Variants in MON1B observed in about 807,000 individuals in gnomAD.
MON1B encodes the protein vacuolar fusion protein MON1 homolog B.
A neutral mutation model predicts 45.1 loss-of-function variants in MON1B; 26 were observed. That is an observed-to-expected ratio of 0.58 (90% confidence interval 0.42 to 0.80). The LOEUF (loss-of-function observed/expected upper bound fraction) is 0.80. Ranked by LOEUF, MON1B falls within the 30% of genes least tolerant of loss-of-function variation. The pLI is 0.00. For synonymous variants in MON1B, 395 were observed against 320.2 expected, an observed-to-expected ratio of 1.23 and a Z score of -2.49; for missense variants, 737 against 754.5, an observed-to-expected ratio of 0.98 and a Z score of 0.27.
rs753152585 is a variant in MON1B at position 77,194,291 on chromosome 16, C to A, written c.476-44C>A. 1 of 1,537,454 alleles carries A rather than the reference C, an allele frequency of 6.5e-7. No individual in the cohort carries two copies. The highest frequency in any genetic ancestry group is 8.9e-7 in the Non-Finnish European group (1 of 1,124,044). On this transcript the variant is annotated intron_variant, in intron 3 of 5. Coordinates refer to ENST00000248248, the MANE Select transcript of MON1B (RefSeq NM_014940.4). This position sits in a 1 kb window ranked among gnomAD's most constrained non-coding sequence, Gnocchi z 8.1. The stretch of plus-strand genomic sequence containing the variant: ...GCCCCACTGTCTCCCTCTGGTCATT[C>A]CTGATCCAGCTGTACCCCCCCTTCT...
chr16:77,201,925 G>C lies in MON1B; in HGVS notation c.*3617G>C, dbSNP rs1283678930. ...TTGGGATTGAAACAAAAATGGAGGG[G>C]GGTATAGCCCTGTGTATGTTGCACA... On this transcript the variant is annotated 3_prime_UTR_variant, in exon 6 of 6. Transcript: ENST00000248248. The C allele has an allele frequency of 6.6e-6, 1 of 152,092 alleles. No individual in the cohort carries two copies. Among genetic ancestry groups the C allele is most frequent in the East Asian group, 1.9e-4 (1 of 5,192 alleles). The allele number at this position is 152,092 out of a possible 1,614,324, so 9.4% of individuals were successfully genotyped here.
In MON1B at chr16:77,198,344, A is replaced by C; in HGVS notation, c.*36A>C. 1 of 1,590,878 alleles carries C rather than the reference A, an allele frequency of 6.3e-7. No homozygotes were observed. The highest frequency in any genetic ancestry group is 8.6e-7 in the Non-Finnish European group (1 of 1,158,986). On this transcript the variant is annotated 3_prime_UTR_variant, in exon 6 of 6. Coordinates refer to ENST00000248248, the MANE Select transcript of MON1B (RefSeq NM_014940.4). The stretch of plus-strand genomic sequence containing the variant: ...TCCCAGACCAGGCAGTGCTGGGAGC[A>C]ACCACCTTTGTTTTTTACCTTCTGT...
chr16:77,192,053 C>A (rs894760545), intron 2 of MON1B, among the ~76,000 whole-genome samples: 1 of 152,068 alleles, frequency 6.6e-6, no homozygotes, highest in Non-Finnish European at 1.5e-5. Context: ...CAGTGGAGTT[C>A]GATGGGCACT....
chr16:77,191,642 C>G lies in MON1B; in HGVS notation c.148+9C>G, dbSNP rs761305050. 3.1e-6 allele frequency: 5 copies of G among 1,608,854 alleles called. No individual in the cohort carries two copies. In the Admixed American group the frequency reaches 6.8e-5, roughly 22 times the overall value. ...GGGCCTGGAGGAAACAGGTATGACT[C>G]CACTTAGTGGGGTCTTAAAAGGAAT... On this transcript the variant is annotated intron_variant, in intron 2 of 5. Coordinates refer to ENST00000248248, the MANE Select transcript of MON1B (RefSeq NM_014940.4).
In MON1B at chr16:77,195,121, C is replaced by CT; in HGVS notation, c.1263dup (p.Asp422Ter). 6.3e-7 allele frequency: 1 copy of CT among 1,598,188 alleles called. No homozygotes were observed. The highest frequency in any genetic ancestry group is 8.5e-7 in the Non-Finnish European group (1 of 1,178,854). On this transcript the variant is annotated frameshift_variant, in exon 4 of 6. Transcript: ENST00000248248. LOFTEE classifies it high-confidence loss of function. ...TTCCTGTATAAGCCGCTGGACATCCCTGACCACCACCGCCAACTGCCCCAG... is the reference window on the plus strand; with the variant it reads ...TTCCTGTATAAGCCGCTGGACATCCCTTGACCACCACCGCCAACTGCCCCAG...
intron 5 of MON1B, among the ~76,000 whole-genome samples, chr16:77,196,363 T>TTTTATA (rs1350172637): frequency 6.6e-6 from 1 of 151,828 alleles, no homozygotes; most frequent in East Asian, 1.9e-4. Flanking sequence ...TATAAAGAGT[T>TTTTATA]TTTATATTTA....
rs1175299604 is a variant in MON1B at position 77,198,675 on chromosome 16, A to C, written c.*367A>C. ...CAGCCCTGAGTGTCCAGATCTGGCC[A>C]AGGTGTCTAGGGTGGCCCACGGGGG... On this transcript the variant is annotated 3_prime_UTR_variant, in exon 6 of 6. Coordinates refer to ENST00000248248, the MANE Select transcript of MON1B (RefSeq NM_014940.4). 3.3e-6 allele frequency: 1 copy of C among 307,094 alleles called. No individual in the cohort carries two copies. Among genetic ancestry groups the C allele is most frequent in the African/African-American group, 2.1e-5 (1 of 47,054 alleles). 19.0% of individuals were successfully genotyped at this position (307,094 alleles called of 1,614,324 possible).
intron 5 of MON1B, among the ~76,000 whole-genome samples, chr16:77,196,605 G>A (rs1002820838): frequency 6.6e-5 from 10 of 151,888 alleles, no homozygotes; most frequent in Non-Finnish European, 1.3e-4. Flanking sequence ...GCAAAACCCC[G>A]TCTCTACTAA....
Position 77,194,603 on chromosome 16 carries a change from G to A in MON1B, c.744G>A (p.Val248=), listed in dbSNP as rs1468845582. ...CAGGAGCCCTGCTCCTGGGTGCCGT[G>A]CGCTGTGTGCCCCTTGCCCGCCCGC... ...QDPGALLLGA[V]RCVPLARPLR... Residue 248 remains valine (V), a synonymous_variant, in exon 4 of 6, where the codon GTG becomes GTA. Transcript: ENST00000248248. The surrounding 1 kb of genome is among the most constrained non-coding windows in gnomAD (Gnocchi z 8.1). The A allele has an allele frequency of 1.2e-6, 2 of 1,613,754 alleles. No individual in the cohort carries two copies. Among genetic ancestry groups the A allele is most frequent in the African/African-American group, 1.3e-5 (1 of 74,936 alleles).
rs71715172 is a variant in MON1B, at chr16:77,200,008, CTA to C, written c.*1702_*1703del. 45,461 of 151,274 alleles carry C rather than the reference CTA, an allele frequency of 0.3. 7,097 individuals carry two copies. The highest frequency in any genetic ancestry group is 0.42 in the Admixed American group (6,405 of 15,158). The allele number at this position is 151,274 out of a possible 1,614,324, so 9.4% of individuals were successfully genotyped here. The stretch of plus-strand genomic sequence containing the variant: ...GGGTGGAGGGGTGTCGGCCTAGACA[CTA>C]TTGGAAATTGTATTCCATCCAAAAG... On this transcript the variant is annotated 3_prime_UTR_variant, in exon 6 of 6. Coordinates refer to ENST00000248248, the MANE Select transcript of MON1B (RefSeq NM_014940.4).
At chr16:77,195,231 A>C in intron 4 of MON1B, 77 bp downstream of exon 4, 1 of 1,342,160 alleles carries the variant, frequency 7.5e-7, no homozygotes, top group Non-Finnish European at 9.9e-7. Context: ...CAGGGATGTG[A>C]CTCAGGAGAG....
Position 77,193,494 on chromosome 16 carries a change from C to T in MON1B, c.192C>T (p.Pro64=). Residue 64 remains proline (P), a synonymous_variant, in exon 3 of 6, where the codon CCC becomes CCT. Coordinates refer to ENST00000248248, the MANE Select transcript of MON1B (RefSeq NM_014940.4). This position sits in a 1 kb window ranked among gnomAD's most constrained non-coding sequence, Gnocchi z 5.0. Reference sequence around the variant, plus strand: ...AGCCACCCAGCCCATCACCACCGCCCCAGTCAGAGGCCCTGTCAAGCACCT... The same window carrying T: ...AGCCACCCAGCCCATCACCACCGCCTCAGTCAGAGGCCCTGTCAAGCACCT... ...KDQPPSPSPP[P]QSEALSSTSR... 6.3e-7 allele frequency: 1 copy of T among 1,598,708 alleles called. No homozygotes were observed. The highest frequency in any genetic ancestry group is 8.5e-7 in the Non-Finnish European group (1 of 1,170,718).
At position 77,194,194 on chromosome 16, in the gene MON1B, C is replaced by T. The variant is rs769828594; in HGVS notation, c.476-141C>T. ...CAGATTCCTCCAGCTTGTCCTTACC[C>T]CAGTCCAGGTGCCCACAGAGTGAGC... On this transcript the variant is annotated intron_variant, in intron 3 of 5. Coordinates refer to ENST00000248248, the MANE Select transcript of MON1B (RefSeq NM_014940.4). The surrounding 1 kb of genome is among the most constrained non-coding windows in gnomAD (Gnocchi z 8.1). The T allele has an allele frequency of 2.5e-6, 2 of 790,416 alleles. No individual in the cohort carries two copies. The highest frequency in any genetic ancestry group is 4.4e-6 in the Non-Finnish European group (2 of 455,676). 49.0% of individuals were successfully genotyped at this position (790,416 alleles called of 1,614,324 possible). A position where few individuals can be genotyped will look rare whatever the true frequency, so the allele number is the denominator to read the frequency against.
chr16:77,193,855 G>A lies in MON1B; in HGVS notation c.475+78G>A. The stretch of plus-strand genomic sequence containing the variant: ...GGCACGGGTAGGTCTGTCTGCCTCA[G>A]GCACTATCCAGCCAGCCAGGGTTGG... On this transcript the variant is annotated intron_variant, in intron 3 of 5. Transcript: ENST00000248248. The surrounding 1 kb of genome is among the most constrained non-coding windows in gnomAD (Gnocchi z 5.0). 1 of 1,444,934 alleles carries A rather than the reference G, an allele frequency of 6.9e-7. No individual in the cohort carries two copies. Among genetic ancestry groups the A allele is most frequent in the Non-Finnish European group, 9.3e-7 (1 of 1,070,788 alleles). 89.5% of individuals were successfully genotyped at this position (1,444,934 alleles called of 1,614,324 possible).
rs762263446 is a variant in MON1B, at chr16:77,191,512, C to T, written c.27C>T (p.Ala9=). The change falls in exon 2 of 6, where the codon GCC becomes GCT. Residue 9 remains alanine (A), a synonymous_variant. Coordinates refer to ENST00000248248, the MANE Select transcript of MON1B (RefSeq NM_014940.4). ...TGGAGGTCGGAGGAGACACTGCTGC[C>T]CCGGCCCCCGGGGGCGCGGAGGACT... is the stretch of plus-strand genomic sequence containing the variant. The part of the protein sequence containing the change: MEVGGDTA[A]PAPGGAEDLE... The T allele has an allele frequency of 2.5e-6, 4 of 1,607,554 alleles. No homozygotes were observed. The South Asian group carries it at 4.4e-5, about 18-fold the overall frequency.
Position 77,199,480 on chromosome 16 carries a change from T to G in MON1B, c.*1172T>G. On this transcript the variant is annotated 3_prime_UTR_variant, in exon 6 of 6. Coordinates refer to ENST00000248248, the MANE Select transcript of MON1B (RefSeq NM_014940.4). ...GCGGGGAAGCTGAAACCTCTGAATG[T>G]GGAGGCGCCAGAAGCTACTGAGGAG... is the stretch of plus-strand genomic sequence containing the variant. The G allele has an allele frequency of 6.4e-7, 1 of 1,551,410 alleles. No homozygotes were observed. The highest frequency in any genetic ancestry group is 8.7e-7 in the Non-Finnish European group (1 of 1,146,938).
In MON1B at chr16:77,194,426, G is replaced by A. The variant is rs2054643093; in HGVS notation, c.567G>A (p.Glu189=). The change falls in exon 4 of 6, where the codon GAG becomes GAA. Residue 189 remains glutamate, a synonymous_variant. Transcript: ENST00000248248. The surrounding 1 kb of genome is among the most constrained non-coding windows in gnomAD (Gnocchi z 8.1). Reference sequence around the variant, plus strand: ...AGTCAGCAGCCCAGCTGCGGGGGGAGCTGCTAGCTGTGCACGCACAGATCG... The same window carrying A: ...AGTCAGCAGCCCAGCTGCGGGGGGAACTGCTAGCTGTGCACGCACAGATCG... ...TSQSAAQLRG[E]LLAVHAQIVS... 10 of 1,613,994 alleles carry A rather than the reference G, an allele frequency of 6.2e-6. No individual in the cohort carries two copies. The highest frequency in any genetic ancestry group is 1.6e-4 in the Middle Eastern group (1 of 6,062).
intron 5 of MON1B, 135 bp downstream of exon 5, chr16:77,195,817 T>A: frequency 9.7e-7 from 1 of 1,033,994 alleles, no homozygotes; most frequent in Non-Finnish European, 1.4e-6. Context: ...CCTGCAACAC[T>A]GTCCCTGCCT....
Position 77,194,864 on chromosome 16 carries a change from T to C in MON1B, c.1005T>C (p.Phe335=). The change falls in exon 4 of 6, where the codon TTT becomes TTC. Residue 335 remains phenylalanine, a synonymous_variant. Transcript: ENST00000248248. This position sits in a 1 kb window ranked among gnomAD's most constrained non-coding sequence, Gnocchi z 8.1. ...TGCCCCGCTTCAACCCTGATGGTTT[T>C]TTCTACGCCTACGTGGCCCGCCTGG... The part of the protein sequence containing the change: ...VCLPRFNPDG[F]FYAYVARLDA... 6.2e-7 allele frequency: 1 copy of C among 1,611,596 alleles called. No homozygotes were observed. Among genetic ancestry groups the C allele is most frequent in the East Asian group, 2.2e-5 (1 of 44,870 alleles).
Sources: allele counts gnomAD v4.1 joint callset (sites outside exome capture counted in the v4.1 genomes callset), GRCh38; gene constraint gnomAD v4.1.1; non-coding constraint Gnocchi (gnomAD v3.1); transcripts MANE v1.5; gene names NCBI Gene and HGNC (gene_info 2026-07-23, HGNC 2026-07-21).